Variants in DPY19L1 observed in about 807,000 individuals in gnomAD.
The protein encoded by DPY19L1 is protein C-mannosyl-transferase DPY19L1.
In DPY19L1, 35 loss-of-function variants were observed where a neutral mutation model predicts 96.9. The observed-to-expected ratio is 0.36, with a 90% CI of 0.28 to 0.48. DPY19L1 has a LOEUF of 0.48. Among genes scored for constraint, DPY19L1 ranks in the 20% least tolerant of loss-of-function variants. The probability of loss-of-function intolerance (pLI) is 0.99; values close to 1 mark genes in which losing one functional copy is unlikely to be tolerated. For synonymous variants in DPY19L1, 205 were observed against 252.6 expected, an observed-to-expected ratio of 0.81 and a Z score of 1.79; for missense variants, 521 against 777.9, an observed-to-expected ratio of 0.67 and a Z score of 3.93.
Position 34,988,972 on chromosome 7 carries a change from G to A in DPY19L1, c.822+912C>T, listed in dbSNP as rs550792075. Among the ~76,000 whole-genome samples the A allele has an allele frequency of 4.6e-5, 7 of 152,232 alleles. No homozygotes were observed. The East Asian group carries it at 1.2e-3, about 25-fold the overall frequency. ...CTTAGTCTCTGCAATAATCCTATGAGGTGGGTAACATCATTATGCCCATTT... is the reference window on the plus strand; with the variant it reads ...CTTAGTCTCTGCAATAATCCTATGAAGTGGGTAACATCATTATGCCCATTT... On this transcript the variant is annotated intron_variant, in intron 7 of 21. Transcript: ENST00000638088.
chr7:35,024,175 A>G (rs1786068200), intron 1 of DPY19L1, among the ~76,000 whole-genome samples: 1 of 152,208 alleles, frequency 6.6e-6, no homozygotes, highest in Non-Finnish European at 1.5e-5. Context: ...ACACATTATC[A>G]TGTTGAGTAA....
At chr7:34,975,197 A>C (rs1784806604) in intron 7 of DPY19L1, among the ~76,000 whole-genome samples, 1 of 152,250 alleles carries the variant, frequency 6.6e-6, no homozygotes, top group East Asian at 1.9e-4. Flanking sequence ...AGAAGAAGGC[A>C]TGTCAAAAGC....
intron 10 of DPY19L1, among the ~76,000 whole-genome samples, chr7:34,959,927 A>ATATATATATATT (rs1784465846): frequency 3.6e-5 from 1 of 27,406 alleles, no homozygotes; most frequent in Non-Finnish European, 6.9e-5. Context: ...ATATATATTT[A>ATATATATATATT]TATATATATA....
At chr7:35,014,577 T>C (rs1208807232) in intron 3 of DPY19L1, among the ~76,000 whole-genome samples, 2 of 152,012 alleles carry the variant, frequency 1.3e-5, no homozygotes, top group East Asian at 3.9e-4. Flanking sequence ...GACTCACAAA[T>C]ACAAAAGAGA....
chr7:35,000,154 T>C (rs1245094425), intron 6 of DPY19L1, among the ~76,000 whole-genome samples: 1 of 152,218 alleles, frequency 6.6e-6, no homozygotes, highest in Non-Finnish European at 1.5e-5. Flanking sequence ...TTAACTTACA[T>C]GGAGACCTCT....
chr7:34,941,620 C>T, intron 18 of DPY19L1, 145 bp downstream of exon 18: 2 of 635,618 alleles, frequency 3.1e-6, no homozygotes, highest in South Asian at 2.1e-5. Context: ...AGCTTTGGCC[C>T]TTACCCTTTA....
intron 1 of DPY19L1, among the ~76,000 whole-genome samples, chr7:35,019,154 A>C (rs1785930087): frequency 6.6e-6 from 1 of 152,180 alleles, no homozygotes; most frequent in African/African-American, 2.4e-5. Context: ...CTGTCCAAGC[A>C]GAAAGAACAT....
At chr7:34,994,683 G>C (rs1406134943) in intron 6 of DPY19L1, among the ~76,000 whole-genome samples, 1 of 151,894 alleles carries the variant, frequency 6.6e-6, no homozygotes, top group East Asian at 1.9e-4. Flanking sequence ...GGGCACCTGT[G>C]GTCCCAGCTA....
rs79412050 is a variant in DPY19L1 at position 34,960,248 on chromosome 7, G to A, written c.1093-2178C>T. ...AATTAAAATTACTTTATTCAATAAC[G>A]TGTTATTTATAGTTATATCTGTTCA... On this transcript the variant is annotated intron_variant, in intron 10 of 21. Coordinates refer to ENST00000638088, the MANE Select transcript of DPY19L1 (RefSeq NM_001366673.1). Among the ~76,000 whole-genome samples the A allele has an allele frequency of 2.5e-3, 375 of 151,686 alleles. 1 individual carries two copies. Among genetic ancestry groups the A allele is most frequent in the African/African-American group, 7.6e-3 (314 of 41,440 alleles).
chr7:34,933,676 A>T (rs995064305), intron 21 of DPY19L1, among the ~76,000 whole-genome samples: 7 of 152,192 alleles, frequency 4.6e-5, no homozygotes, highest in Non-Finnish European at 1.0e-4. Flanking sequence ...AGACTGGCTG[A>T]GTCTTCTGGC....
At chr7:35,008,025 T>G (rs1785606625) in intron 6 of DPY19L1, among the ~76,000 whole-genome samples, 1 of 152,104 alleles carries the variant, frequency 6.6e-6, no homozygotes, top group African/African-American at 2.4e-5. Flanking sequence ...CCAGCAAAAC[T>G]GATCTGCTTA....
intron 16 of DPY19L1, among the ~76,000 whole-genome samples, chr7:34,943,314 T>A (rs746992159): frequency 1.3e-5 from 2 of 152,212 alleles, no homozygotes; most frequent in Non-Finnish European, 2.9e-5. Flanking sequence ...GTAAAAACTA[T>A]CAGTTACCAT....
chr7:35,025,164 G>C (rs1428340477), intron 1 of DPY19L1, among the ~76,000 whole-genome samples: 1 of 152,150 alleles, frequency 6.6e-6, no homozygotes, highest in East Asian at 1.9e-4. Context: ...TTGAGAAAGA[G>C]AAAGCAGTCA....
intron 1 of DPY19L1, among the ~76,000 whole-genome samples, chr7:35,023,818 T>TTTTTCTTTTC (rs199763126): frequency 5.2e-5 from 7 of 135,754 alleles, no homozygotes; most frequent in Admixed American, 3.4e-4. Flanking sequence ...AAATATATTC[T>TTTTTCTTTTC]TTTTCTTTTC....
intron 1 of DPY19L1, among the ~76,000 whole-genome samples, chr7:35,025,045 C>T (rs1181390237): frequency 1.3e-5 from 2 of 152,204 alleles, no homozygotes; most frequent in African/African-American, 4.8e-5. Context: ...ATTCCCATTA[C>T]ATGAAGGTAA....
upstream of DPY19L1, chr7:35,037,785 G>T (rs1584270603): frequency 6.7e-6 from 8 of 1,195,434 alleles, no homozygotes; most frequent in African/African-American, 1.6e-5. Context: ...GCGCAGGCGG[G>T]GCCCGACCCC....
At chr7:35,028,598 C>T (rs1326901540) in intron 1 of DPY19L1, among the ~76,000 whole-genome samples, 4 of 152,158 alleles carry the variant, frequency 2.6e-5, no homozygotes, top group African/African-American at 9.7e-5. Context: ...ATCCAGACTA[C>T]AAGACAGAGT....
chr7:34,934,346 G>T (rs1353908118), intron 21 of DPY19L1, among the ~76,000 whole-genome samples: 2 of 152,080 alleles, frequency 1.3e-5, no homozygotes, highest in African/African-American at 4.8e-5. Context: ...ATTATTCTGG[G>T]ACTGTATACT....
chr7:34,998,015 G>A (rs1194014123), intron 6 of DPY19L1, among the ~76,000 whole-genome samples: 3 of 152,156 alleles, frequency 2.0e-5, no homozygotes, highest in African/African-American at 7.2e-5. Flanking sequence ...TTGACATACA[G>A]ACTAATCATC....
Sources: gnomAD v4.1 joint callset for allele counts (sites outside exome capture counted in the v4.1 genomes callset) on GRCh38, gnomAD v4.1.1 for gene constraint, MANE v1.5 for transcripts, NCBI Gene and HGNC (gene_info 2026-07-23, HGNC 2026-07-21) for gene names.